ASTN2: variants seen among roughly 807,000 people sequenced by gnomAD.
ASTN2 encodes the protein astrotactin-2.
A neutral mutation model predicts 139.8 loss-of-function variants in ASTN2; 54 were observed. The ratio of observed to expected loss-of-function variants is 0.39; its 90% CI spans 0.31 to 0.48. The LOEUF is 0.48. ASTN2 is among the 20% of genes least tolerant of loss of function. ASTN2 has a pLI of 0.95. For missense variants in ASTN2, 1,565 were observed against 1,725.1 expected (o/e 0.91, Z 1.64); for synonymous variants, 756 against 719.5 (o/e 1.05, Z -0.81).
chr9:116,967,935 A>G (rs1039506463), intron 10 of ASTN2, among the ~76,000 whole-genome samples: 14 of 152,200 alleles, frequency 9.2e-5, no homozygotes, highest in Admixed American at 7.2e-4. Flanking sequence ...ACCATGAACT[A>G]CATCTTTTAA....
chr9:116,455,042 A>T (rs1048058943), intron 20 of ASTN2, among the ~76,000 whole-genome samples: 3 of 144,696 alleles, frequency 2.1e-5, no homozygotes. Context: ...TATAATAATA[A>T]AAAAAAAAAA....
chr9:116,657,005 T>C (rs1303742789), intron 16 of ASTN2, among the ~76,000 whole-genome samples: 1 of 152,206 alleles, frequency 6.6e-6, no homozygotes, highest in Non-Finnish European at 1.5e-5. Context: ...GAGACTTTTA[T>C]ATCATAAAGA....
intron 19 of ASTN2, among the ~76,000 whole-genome samples, chr9:116,596,374 T>C (rs559192086): frequency 2.6e-5 from 4 of 152,202 alleles, no homozygotes; most frequent in Non-Finnish European, 4.4e-5. Context: ...ATAGCACCTA[T>C]AGTGAATATG....
At chr9:116,493,216 T>A (rs1315371572) in intron 19 of ASTN2, among the ~76,000 whole-genome samples, 1 of 152,312 alleles carries the variant, frequency 6.6e-6, no homozygotes, top group African/African-American at 2.4e-5. Context: ...ACTAGGCCAC[T>A]CTACCTGGGA....
intron 1 of ASTN2, among the ~76,000 whole-genome samples, chr9:117,364,316 G>T (rs187083235): frequency 5.8e-4 from 89 of 152,262 alleles, no homozygotes; most frequent in African/African-American, 1.9e-3. Flanking sequence ...CCAACTCTTA[G>T]AACTCATCAT....
chr9:116,751,261 A>G (rs1359483880), intron 13 of ASTN2, among the ~76,000 whole-genome samples: 3 of 152,224 alleles, frequency 2.0e-5, no homozygotes, highest in Admixed American at 2.0e-4. Flanking sequence ...GGGTGGTAAA[A>G]GGAACAATAA....
intron 5 of ASTN2, among the ~76,000 whole-genome samples, chr9:117,086,887 T>C (rs1277790112): frequency 1.3e-5 from 2 of 152,142 alleles, no homozygotes; most frequent in Non-Finnish European, 2.9e-5. Context: ...ATCTGCCCCA[T>C]ATCTTGGACA....
At chr9:116,697,690 ACTGTGCTGTTCAGTTCTGAG>A in intron 16 of ASTN2, 1 of 1,609,884 alleles carries the variant, frequency 6.2e-7, no homozygotes, top group South Asian at 1.1e-5. Context: ...GGGCATGAAT[ACTGTGCTGTTCAGTTCTGAG>A]CTGTGCTAGC....
At chr9:117,403,974 G>A (rs544080618) in intron 1 of ASTN2, among the ~76,000 whole-genome samples, 14 of 152,116 alleles carry the variant, frequency 9.2e-5, no homozygotes, top group Non-Finnish European at 2.1e-4. Context: ...GTGGAAAGAG[G>A]GGGAGGGGAA....
chr9:117,404,849 G>A (rs1325278655), intron 1 of ASTN2, among the ~76,000 whole-genome samples: 1 of 151,862 alleles, frequency 6.6e-6, no homozygotes, highest in South Asian at 2.1e-4. Flanking sequence ...AGGAAGAAAA[G>A]GGGGAAAAAA....
chr9:116,956,094 C>CTTTTTTTTTTTTTT (rs71379245), intron 10 of ASTN2, among the ~76,000 whole-genome samples: 2 of 119,154 alleles, frequency 1.7e-5, no homozygotes, highest in Non-Finnish European at 3.3e-5. Flanking sequence ...TTTTTCTTTT[C>CTTTTTTTTTTTTTT]TTTTTTTTTT....
chr9:117,161,342 C>T (rs1038502317), intron 3 of ASTN2, among the ~76,000 whole-genome samples: 6 of 151,988 alleles, frequency 3.9e-5, no homozygotes, highest in Non-Finnish European at 5.9e-5. Flanking sequence ...TGAGAGAAAG[C>T]GCTTCCATTG....
chr9:116,682,932 C>T (rs1448105060), intron 16 of ASTN2, among the ~76,000 whole-genome samples: 3 of 151,542 alleles, frequency 2.0e-5, no homozygotes, highest in African/African-American at 4.9e-5. Flanking sequence ...TGCTAAATGA[C>T]GAGTTAATGG....
At chr9:116,986,880 G>C (rs1451571675) in intron 7 of ASTN2, among the ~76,000 whole-genome samples, 1 of 152,226 alleles carries the variant, frequency 6.6e-6, no homozygotes, top group Non-Finnish European at 1.5e-5. Flanking sequence ...GATGAAAGCA[G>C]GCCACAGTGT....
At chr9:117,131,742 C>A (rs532628369) in intron 4 of ASTN2, among the ~76,000 whole-genome samples, 1 of 152,296 alleles carries the variant, frequency 6.6e-6, no homozygotes, top group East Asian at 1.9e-4. Context: ...ATCAGAAAAT[C>A]TTTTAATCCA....
intron 10 of ASTN2, among the ~76,000 whole-genome samples, chr9:116,958,602 CAAAA>C (rs201900550): frequency 6.6e-6 from 1 of 151,474 alleles, no homozygotes; most frequent in Non-Finnish European, 1.5e-5. Context: ...AACAAACAAA[CAAAA>C]AAAAGAGCCG....
chr9:117,242,862 C>T (rs1833256598), intron 2 of ASTN2, among the ~76,000 whole-genome samples: 1 of 152,174 alleles, frequency 6.6e-6, no homozygotes, highest in Non-Finnish European at 1.5e-5. Context: ...TGTGTGTCAC[C>T]CTCTGTGTGG....
intron 5 of ASTN2, among the ~76,000 whole-genome samples, chr9:117,064,854 C>T (rs1827885077): frequency 6.6e-6 from 1 of 151,924 alleles, no homozygotes. Context: ...AGTCACTGGC[C>T]CCACCTAGAT....
At chr9:117,111,534 T>C (rs910340278) in intron 4 of ASTN2, among the ~76,000 whole-genome samples, 5 of 151,308 alleles carry the variant, frequency 3.3e-5, no homozygotes, top group South Asian at 4.2e-4. Flanking sequence ...AGAAACGAAG[T>C]AAGAAAAATT....
Sources: gnomAD v4.1 joint callset for allele counts (sites outside exome capture counted in the v4.1 genomes callset) on GRCh38, gnomAD v4.1.1 for gene constraint, MANE v1.5 for transcripts, NCBI Gene and HGNC (gene_info 2026-07-23, HGNC 2026-07-21) for gene names.